The following MALRD1 variants were observed in gnomAD, a reference collection of about 807,000 sequenced individuals.
MALRD1 encodes the protein MAM and LDL-receptor class A domain-containing protein 1.
A neutral mutation model predicts 242.1 loss-of-function variants in MALRD1; 247 were observed. That is an observed-to-expected ratio of 1.02 (90% confidence interval 0.92 to 1.13). The LOEUF (loss-of-function observed/expected upper bound fraction) is 1.13, where lower values mean the gene tolerates loss of function less well. MALRD1 is among the 50% of genes most tolerant of loss of function. MALRD1 has a pLI of 0.00. For missense variants in MALRD1, 2,989 were observed against 2,533.1 expected (o/e 1.18, Z -3.86); for synonymous variants, 995 against 866.6 (o/e 1.15, Z -2.60).
chr10:19,673,494 T>C (rs1411284408), intron 36 of MALRD1, among the ~76,000 whole-genome samples: 3 of 152,222 alleles, frequency 2.0e-5, no homozygotes, highest in Non-Finnish European at 2.9e-5. Flanking sequence ...TATACTCTTA[T>C]ATTCAGATTG....
At chr10:19,088,569 T>TTTA (rs1835763514) in intron 4 of MALRD1, among the ~76,000 whole-genome samples, 1 of 90,204 alleles carries the variant, frequency 1.1e-5, no homozygotes, top group Non-Finnish European at 2.1e-5. Context: ...TAAAGTTTTT[T>TTTA]TTTATTTATT....
At chr10:19,334,045 C>CCTTT (rs1443902545) in intron 24 of MALRD1, among the ~76,000 whole-genome samples, 1 of 147,618 alleles carries the variant, frequency 6.8e-6, no homozygotes, top group East Asian at 2.0e-4. Flanking sequence ...GGAAAGTAGA[C>CCTTT]CTTTGTTGTA....
intron 36 of MALRD1, among the ~76,000 whole-genome samples, chr10:19,672,012 C>G (rs1271070565): frequency 6.6e-6 from 1 of 151,960 alleles, no homozygotes; most frequent in East Asian, 1.9e-4. Flanking sequence ...GGTAAATGTC[C>G]TATTGTCCTT....
intron 5 of MALRD1, among the ~76,000 whole-genome samples, chr10:19,105,164 C>T (rs995245004): frequency 6.6e-6 from 1 of 151,950 alleles, no homozygotes; most frequent in Non-Finnish European, 1.5e-5. Context: ...ATACACACAC[C>T]GTCCATGCTA....
intron 24 of MALRD1, among the ~76,000 whole-genome samples, chr10:19,332,627 T>G (rs964706355): frequency 6.6e-6 from 1 of 152,198 alleles, no homozygotes; most frequent in Non-Finnish European, 1.5e-5. Context: ...TTGATATTAT[T>G]TGCTTCTTGG....
At chr10:19,338,076 G>T (rs114949535) in intron 24 of MALRD1, among the ~76,000 whole-genome samples, 3,619 of 130,564 alleles carry the variant, frequency 0.028, 81 homozygotes, top group African/African-American at 0.057. Flanking sequence ...AAAAAAAAAA[G>T]AAAGAAAGTA....
chr10:19,441,481 A>G (rs1180213363), intron 28 of MALRD1, among the ~76,000 whole-genome samples: 1 of 152,188 alleles, frequency 6.6e-6, no homozygotes, highest in Admixed American at 6.6e-5. Context: ...TAGGTCTAAC[A>G]TTTACGTCTT....
chr10:19,181,654 A>G (rs1317735125), intron 14 of MALRD1, among the ~76,000 whole-genome samples: 4 of 152,178 alleles, frequency 2.6e-5, no homozygotes, highest in African/African-American at 7.2e-5. Context: ...TACAGTTAAT[A>G]ACACTTGAGG....
chr10:19,332,473 T>A (rs1294331852), intron 24 of MALRD1, among the ~76,000 whole-genome samples: 1 of 152,188 alleles, frequency 6.6e-6, no homozygotes, highest in Non-Finnish European at 1.5e-5. Flanking sequence ...ATGTACTCAA[T>A]CTGCTAAGCC....
At chr10:19,243,074 T>TTTTG (rs1554818746) in intron 18 of MALRD1, among the ~76,000 whole-genome samples, 1,576 of 147,330 alleles carry the variant, frequency 0.011, 24 homozygotes, top group African/African-American at 0.037. Flanking sequence ...TTTTTTTTTT[T>TTTTG]TGTGTGTGTA....
At chr10:19,292,468 T>G (rs958497757) in intron 21 of MALRD1, among the ~76,000 whole-genome samples, 4 of 152,046 alleles carry the variant, frequency 2.6e-5, no homozygotes, top group African/African-American at 9.7e-5. Context: ...GTACCCAGAT[T>G]TAAAAAAAAA....
chr10:19,622,211 T>C (rs539845179), intron 36 of MALRD1, among the ~76,000 whole-genome samples: 7 of 151,128 alleles, frequency 4.6e-5, no homozygotes, highest in Admixed American at 2.0e-4. Context: ...GTTATCATGA[T>C]GGTATACATG....
chr10:19,639,337 T>C (rs1186537007), intron 36 of MALRD1, among the ~76,000 whole-genome samples: 1 of 152,162 alleles, frequency 6.6e-6, no homozygotes, highest in African/African-American at 2.4e-5. Flanking sequence ...ATTAGGCAAG[T>C]GGCTGAGATG....
chr10:19,276,194 A>T (rs1490748957), intron 19 of MALRD1, among the ~76,000 whole-genome samples: 1 of 152,186 alleles, frequency 6.6e-6, no homozygotes, highest in African/African-American at 2.4e-5. Context: ...TTAAAGGCAA[A>T]CTTTCATTGA....
chr10:19,405,743 T>C (rs1268239524), intron 28 of MALRD1, among the ~76,000 whole-genome samples: 1 of 152,196 alleles, frequency 6.6e-6, no homozygotes, highest in Non-Finnish European at 1.5e-5. Flanking sequence ...CCTAGACTCA[T>C]TCCTTTGAAT....
At chr10:19,568,288 T>C (rs1406100973) in intron 33 of MALRD1, among the ~76,000 whole-genome samples, 1 of 152,184 alleles carries the variant, frequency 6.6e-6, no homozygotes, top group Non-Finnish European at 1.5e-5. Context: ...ATTTAAAATA[T>C]TAAATAGTAG....
chr10:19,133,344 A>G (rs748702177), intron 8 of MALRD1, among the ~76,000 whole-genome samples: 5 of 152,198 alleles, frequency 3.3e-5, no homozygotes, highest in Non-Finnish European at 7.4e-5. Flanking sequence ...AATTTTCAGA[A>G]TGTATCTGTA....
chr10:19,723,294 T>A (rs1834856246), intron 38 of MALRD1, among the ~76,000 whole-genome samples: 1 of 152,202 alleles, frequency 6.6e-6, no homozygotes, highest in African/African-American at 2.4e-5. Context: ...TTATCCTAAT[T>A]TCAGACAGTA....
intron 26 of MALRD1, among the ~76,000 whole-genome samples, chr10:19,362,455 G>A (rs112490122): frequency 4.6e-5 from 7 of 152,194 alleles, no homozygotes; most frequent in African/African-American, 1.7e-4. Flanking sequence ...TAATTTCATG[G>A]GAGGTTATTT....
Sources: allele counts gnomAD v4.1 joint callset (sites outside exome capture counted in the v4.1 genomes callset), GRCh38; gene constraint gnomAD v4.1.1; transcripts MANE v1.5; gene names NCBI Gene and HGNC (gene_info 2026-07-23, HGNC 2026-07-21).